The following IQCM variants were observed in gnomAD, a reference collection of about 807,000 sequenced individuals.
The protein encoded by IQCM is IQ domain-containing protein M.
A neutral mutation model predicts 57.6 loss-of-function variants in IQCM; 45 were observed. The observed-to-expected ratio is 0.78, with a 90% CI of 0.62 to 1.00. IQCM has a LOEUF of 1.00. Ranked by LOEUF, IQCM falls within the 50% of genes least tolerant of loss-of-function variation. The pLI is 0.00. For synonymous variants in IQCM, 148 were observed against 158.9 expected (o/e 0.93, Z 0.51); for missense variants, 468 against 511.6 (o/e 0.91, Z 0.82).
intron 12 of IQCM, among the ~76,000 whole-genome samples, chr4:149,508,604 G>A (rs193267232): frequency 9.2e-5 from 14 of 152,258 alleles, no homozygotes; most frequent in Admixed American, 2.6e-4. Flanking sequence ...GCCTGTACCC[G>A]TATGTGGGAA....
At chr4:149,543,754 GA>G (rs5862886) in intron 12 of IQCM, among the ~76,000 whole-genome samples, 149,855 of 151,326 alleles carry the variant, frequency 0.99, 74,211 homozygotes, top group South Asian at 1. Flanking sequence ...TAAAAAAAGT[GA>G]AAAAAAAACA....
intron 2 of IQCM, among the ~76,000 whole-genome samples, chr4:149,788,748 T>C (rs2150024861): frequency 6.6e-6 from 1 of 152,324 alleles, no homozygotes; most frequent in East Asian, 1.9e-4. Context: ...TCAACCTAAG[T>C]GTCCATCAGT....
chr4:149,728,418 T>C (rs1227113158), intron 5 of IQCM, among the ~76,000 whole-genome samples: 4 of 152,218 alleles, frequency 2.6e-5, no homozygotes, highest in Non-Finnish European at 5.9e-5. Flanking sequence ...GAGGACACAA[T>C]TTATGTCCAT....
chr4:149,594,042 C>G (rs1753503631), intron 8 of IQCM, among the ~76,000 whole-genome samples: 1 of 152,136 alleles, frequency 6.6e-6, no homozygotes, highest in Admixed American at 6.5e-5. Context: ...GTACCAGCTC[C>G]TCCTTGTACC....
chr4:149,634,273 T>A (rs553611413), intron 7 of IQCM, among the ~76,000 whole-genome samples: 39 of 152,302 alleles, frequency 2.6e-4, no homozygotes, highest in African/African-American at 9.4e-4. Flanking sequence ...CCTCCCAAAG[T>A]GAGCTTTTTC....
At chr4:149,403,601 C>T (rs1287795099) in intron 13 of IQCM, among the ~76,000 whole-genome samples, 3 of 151,650 alleles carry the variant, frequency 2.0e-5, no homozygotes, top group Admixed American at 6.6e-5. Context: ...AAATGCATTG[C>T]TAATTAGTGA....
rs1158444611 is a variant in IQCM, at chr4:149,548,572, CA to C, written c.1110del (p.Phe370LeufsTer49). 1.6e-6 allele frequency: 2 copies of C among 1,225,274 alleles called. No individual in the cohort carries two copies. Among genetic ancestry groups the C allele is most frequent in the Non-Finnish European group, 2.0e-6 (2 of 981,902 alleles). 75.9% of individuals were successfully genotyped at this position (1,225,274 alleles called of 1,614,324 possible). A position where few individuals can be genotyped will look rare whatever the true frequency, so the allele number is the denominator to read the frequency against. ...ATTTTTGGCCAATCTTCCCTCTTAG[CA>C]AACATTATTTCATAGACTAAAAGGA... ...MDRKKFYEIM[F>X]AKREDWPKIE... On this transcript the variant is annotated frameshift_variant, in exon 12 of 14. Coordinates refer to ENST00000636793, the MANE Select transcript of IQCM (RefSeq NM_001363507.2). LOFTEE classifies it high-confidence loss of function.
At chr4:149,673,519 A>G (rs1249567787) in intron 7 of IQCM, among the ~76,000 whole-genome samples, 2 of 152,196 alleles carry the variant, frequency 1.3e-5, no homozygotes, top group African/African-American at 4.8e-5. Flanking sequence ...ATCAAAAGAG[A>G]CAAAGAAGGC....
intron 5 of IQCM, among the ~76,000 whole-genome samples, chr4:149,728,919 A>G (rs1247072723): frequency 2.0e-5 from 3 of 152,234 alleles, no homozygotes; most frequent in African/African-American, 4.8e-5. Flanking sequence ...CAACAAGTTC[A>G]GATGTGGCTC....
At chr4:149,737,026 A>G (rs887560968) in intron 3 of IQCM, among the ~76,000 whole-genome samples, 4 of 152,238 alleles carry the variant, frequency 2.6e-5, no homozygotes, top group Admixed American at 6.5e-5. Flanking sequence ...TGACATGTAC[A>G]CCACTACGGA....
At chr4:149,419,828 A>C (rs186991516) in intron 13 of IQCM, among the ~76,000 whole-genome samples, 90 of 152,258 alleles carry the variant, frequency 5.9e-4, no homozygotes, top group Non-Finnish European at 9.4e-4. Context: ...AAAAGTGGGC[A>C]AAGGATGTGA....
chr4:149,404,984 T>G (rs1236590781), intron 13 of IQCM, among the ~76,000 whole-genome samples: 1 of 152,034 alleles, frequency 6.6e-6, no homozygotes, highest in African/African-American at 2.4e-5. Context: ...AATTTCCCAT[T>G]ATGGAGAAGC....
At chr4:149,587,519 T>A (rs981482659) in intron 9 of IQCM, among the ~76,000 whole-genome samples, 1 of 151,788 alleles carries the variant, frequency 6.6e-6, no homozygotes, top group East Asian at 1.9e-4. Context: ...GAGTTTTTAA[T>A]AGAGTCATTG....
In IQCM at chr4:149,407,409, T is replaced by C. The variant is rs189860441; in HGVS notation, c.1390+25987A>G. On this transcript the variant is annotated intron_variant, in intron 13 of 13. Coordinates refer to ENST00000636793, the MANE Select transcript of IQCM (RefSeq NM_001363507.2). ...GTAGTGGTGAAAGCTGGGCTTTTAG[T>C]GTACATTGTCCACCCAAGTAGTATA... is the stretch of plus-strand genomic sequence containing the variant. Among the ~76,000 whole-genome samples the C allele has an allele frequency of 2.1e-3, 322 of 152,304 alleles. 4 individuals carry two copies. The highest frequency in any genetic ancestry group is 7.5e-3 in the African/African-American group (310 of 41,586).
chr4:149,776,492 A>C (rs531813845), intron 2 of IQCM, among the ~76,000 whole-genome samples: 14 of 152,304 alleles, frequency 9.2e-5, no homozygotes, highest in Non-Finnish European at 1.9e-4. Flanking sequence ...TAACCACAAG[A>C]TACACAGCTA....
At chr4:149,794,431 T>A (rs1365607868) in intron 2 of IQCM, among the ~76,000 whole-genome samples, 1 of 152,216 alleles carries the variant, frequency 6.6e-6, no homozygotes, top group African/African-American at 2.4e-5. Flanking sequence ...ACTGAATCAG[T>A]GAATGTGTTC....
chr4:149,716,692 A>G (rs1765033274), intron 5 of IQCM, among the ~76,000 whole-genome samples: 1 of 152,206 alleles, frequency 6.6e-6, no homozygotes, highest in Non-Finnish European at 1.5e-5. Context: ...AAGCTGAACA[A>G]TAGTTCATAC....
chr4:149,451,458 T>C (rs1465929360), intron 12 of IQCM, among the ~76,000 whole-genome samples: 5 of 151,698 alleles, frequency 3.3e-5, no homozygotes, highest in Non-Finnish European at 7.4e-5. Context: ...CATCAATATA[T>C]GCACCTACTA....
chr4:149,789,259 G>A (rs1183317891), intron 2 of IQCM, among the ~76,000 whole-genome samples: 3 of 152,056 alleles, frequency 2.0e-5, no homozygotes, highest in African/African-American at 4.8e-5. Context: ...ATATCACATG[G>A]ACCCCATAAA....
Sources: allele counts gnomAD v4.1 joint callset (sites outside exome capture counted in the v4.1 genomes callset), GRCh38; gene constraint gnomAD v4.1.1; transcripts MANE v1.5; gene names NCBI Gene and HGNC (gene_info 2026-07-23, HGNC 2026-07-21).